The following C1orf21 variants were observed in gnomAD, a reference collection of about 807,000 sequenced individuals.
The protein encoded by C1orf21 is uncharacterized protein C1orf21.
Under a neutral mutation model 18.7 loss-of-function variants are expected in C1orf21, and 3 were observed. That is an observed-to-expected ratio of 0.16 (90% CI 0.07 to 0.42). C1orf21 has a LOEUF of 0.42. C1orf21 is among the 10% of genes least tolerant of loss of function. C1orf21 has a pLI of 0.99. For synonymous variants in C1orf21, 41 were observed against 46.4 expected (o/e 0.88, Z 0.47); for missense variants, 104 against 143.6 (o/e 0.72, Z 1.41).
chr1:184,548,268 C>T lies in C1orf21; in HGVS notation c.189+40586C>T, dbSNP rs148731944. ...ACACACACACACACTCACACACTCA[C>T]TCACACTGTAGTTAGGGAGCATGGG... is the stretch of plus-strand genomic sequence containing the variant. On this transcript the variant is annotated intron_variant, in intron 3 of 5. Coordinates refer to ENST00000235307, the MANE Select transcript of C1orf21 (RefSeq NM_030806.4). Among the ~76,000 whole-genome samples, 1,139 of 151,748 alleles carry T rather than the reference C, an allele frequency of 7.5e-3. 6 individuals are homozygous for T. The highest frequency in any genetic ancestry group is 0.021 in the Middle Eastern group (6 of 292).
intron 1 of C1orf21, among the ~76,000 whole-genome samples, chr1:184,393,483 A>G (rs991471459): frequency 6.6e-6 from 1 of 152,166 alleles, no homozygotes; most frequent in African/African-American, 2.4e-5. Context: ...CATACTTTAT[A>G]CCTTGTAGAA....
chr1:184,574,426 C>T (rs1659157523), intron 3 of C1orf21, among the ~76,000 whole-genome samples: 2 of 152,078 alleles, frequency 1.3e-5, no homozygotes, highest in African/African-American at 4.8e-5. Context: ...ATTAACAAAC[C>T]ATATAAGTAG....
chr1:184,476,544 C>T (rs1051570031), intron 1 of C1orf21, among the ~76,000 whole-genome samples: 8 of 152,110 alleles, frequency 5.3e-5, no homozygotes, highest in Non-Finnish European at 1.0e-4. Flanking sequence ...TGAGGAGCCA[C>T]CTTGGATGGG....
intron 3 of C1orf21, among the ~76,000 whole-genome samples, chr1:184,535,079 G>A (rs1658531270): frequency 6.6e-6 from 1 of 150,516 alleles, no homozygotes; most frequent in South Asian, 2.1e-4. Context: ...ACAGGTGTGT[G>A]ACATCAGATT....
At chr1:184,506,029 G>A (rs10797972) in intron 2 of C1orf21, among the ~76,000 whole-genome samples, 70,706 of 151,708 alleles carry the variant, frequency 0.47, 17,203 homozygotes, top group African/African-American at 0.62. Context: ...TTGTCTCTTC[G>A]AAATACCAAG....
intron 3 of C1orf21, among the ~76,000 whole-genome samples, chr1:184,569,986 C>T (rs750614564): frequency 1.5e-4 from 23 of 152,132 alleles, no homozygotes; most frequent in Non-Finnish European, 2.5e-4. Context: ...AAATCATCCT[C>T]GAAACTGCAG....
At chr1:184,583,957 A>G (rs1333784278) in intron 3 of C1orf21, among the ~76,000 whole-genome samples, 1 of 152,046 alleles carries the variant, frequency 6.6e-6, no homozygotes, top group Non-Finnish European at 1.5e-5. Context: ...TCATCTCGCA[A>G]TTTATTCTCT....
At chr1:184,503,726 A>G (rs1658010885) in intron 2 of C1orf21, among the ~76,000 whole-genome samples, 1 of 152,192 alleles carries the variant, frequency 6.6e-6, no homozygotes, top group South Asian at 2.1e-4. Context: ...ATTGCTAGCT[A>G]CAAAACTAGA....
At position 184,506,750 on chromosome 1, in the gene C1orf21, T is replaced by TGGTCTTCTC. The variant is rs1261422917; in HGVS notation, c.95-838_95-837insGGTCTTCTC. On this transcript the variant is annotated intron_variant, in intron 2 of 5. Coordinates refer to ENST00000235307, the MANE Select transcript of C1orf21 (RefSeq NM_030806.4). ...TCTGATGGAAATGTCATCATAGTGA[T>TGGTCTTCTC]CAGTCTTCTGGAGAACTGAAGCTGC... Among the ~76,000 whole-genome samples, 6 of 152,284 alleles carry TGGTCTTCTC rather than the reference T, an allele frequency of 3.9e-5. No individual in the cohort carries two copies. The South Asian group carries it at 1.0e-3, about 26-fold the overall frequency.
chr1:184,527,655 C>T (rs1044066994), intron 3 of C1orf21, among the ~76,000 whole-genome samples: 3 of 152,258 alleles, frequency 2.0e-5, no homozygotes, highest in Admixed American at 6.5e-5. Context: ...AAATGGGACA[C>T]GCTGTCCTAC....
chr1:184,475,186 T>C (rs1182259950), intron 1 of C1orf21, among the ~76,000 whole-genome samples: 1 of 152,184 alleles, frequency 6.6e-6, no homozygotes, highest in African/African-American at 2.4e-5. Flanking sequence ...AATGGACCTC[T>C]CCACAACTCA....
chr1:184,614,561 C>G (rs901659405), intron 5 of C1orf21, among the ~76,000 whole-genome samples: 3 of 151,350 alleles, frequency 2.0e-5, no homozygotes, highest in African/African-American at 7.3e-5. Flanking sequence ...GACAATTTTT[C>G]CATGGATGGG....
rs936573651 is a variant in C1orf21, at chr1:184,628,798, C to T, written c.*9242C>T. 1.3e-5 allele frequency: 2 copies of T among 152,490 alleles called. No individual in the cohort carries two copies. Among genetic ancestry groups the T allele is most frequent in the Non-Finnish European group, 1.5e-5 (1 of 68,012 alleles). 9.4% of individuals were successfully genotyped at this position (152,490 alleles called of 1,614,324 possible). A position where few individuals can be genotyped will look rare whatever the true frequency, so the allele number is the denominator to read the frequency against. On this transcript the variant is annotated 3_prime_UTR_variant, in exon 6 of 6. Coordinates refer to ENST00000235307, the MANE Select transcript of C1orf21 (RefSeq NM_030806.4). The stretch of plus-strand genomic sequence containing the variant: ...TCCTGATTGGAATTCTTTGAACCCT[C>T]GAAGTGCTCCAGCAGTACTACCCCC...
chr1:184,424,897 C>T (rs543384609), intron 1 of C1orf21, among the ~76,000 whole-genome samples: 12 of 152,282 alleles, frequency 7.9e-5, no homozygotes, highest in African/African-American at 2.6e-4. Flanking sequence ...ATAGTATTTG[C>T]GAGCACATGT....
chr1:184,610,962 C>G (rs891355842), intron 5 of C1orf21, among the ~76,000 whole-genome samples: 4 of 152,046 alleles, frequency 2.6e-5, no homozygotes, highest in Non-Finnish European at 5.9e-5. Context: ...TACTTACTCT[C>G]TCTTGGAAAT....
chr1:184,434,976 G>A (rs567893559), intron 1 of C1orf21, among the ~76,000 whole-genome samples: 54 of 152,322 alleles, frequency 3.5e-4, no homozygotes, highest in Middle Eastern at 6.8e-3. Context: ...CCCTGCTTAC[G>A]TTATTACGGT....
chr1:184,400,680 T>TG (rs1656138190), intron 1 of C1orf21, among the ~76,000 whole-genome samples: 1 of 151,764 alleles, frequency 6.6e-6, no homozygotes, highest in Non-Finnish European at 1.5e-5. Flanking sequence ...TGGGGAATTT[T>TG]TTGTTGTTGT....
chr1:184,475,539 CT>C (rs1423102569), intron 1 of C1orf21, among the ~76,000 whole-genome samples: 2 of 152,142 alleles, frequency 1.3e-5, no homozygotes, highest in Admixed American at 1.3e-4. Flanking sequence ...ATCTAATCTG[CT>C]TTTTTGAATT....
At chr1:184,537,219 A>G (rs1208666940) in intron 3 of C1orf21, among the ~76,000 whole-genome samples, 1 of 152,170 alleles carries the variant, frequency 6.6e-6, no homozygotes, top group African/African-American at 2.4e-5. Context: ...TGTATCTATC[A>G]CCATCATCCA....
Sources: allele counts gnomAD v4.1 joint callset (sites outside exome capture counted in the v4.1 genomes callset), GRCh38; gene constraint gnomAD v4.1.1; transcripts MANE v1.5; gene names NCBI Gene and HGNC (gene_info 2026-07-23, HGNC 2026-07-21).